CLEC2A: variants seen among roughly 807,000 people sequenced by gnomAD.
CLEC2A encodes C-type lectin domain family 2 member A, also known as keratinocyte-associated C-type lectin.
CLEC2A carries 19 observed loss-of-function variants against 18.6 expected under a neutral mutation model. That is an observed-to-expected ratio of 1.02 (90% CI 0.71 to 1.50). The LOEUF is 1.50. Among genes scored for constraint, CLEC2A ranks in the 40% most tolerant of loss-of-function variants. CLEC2A has a pLI of 0.00. For synonymous variants in CLEC2A, 74 were observed against 64.0 expected, an observed-to-expected ratio of 1.16 and a Z score of -0.75; for missense variants, 190 against 207.9, an observed-to-expected ratio of 0.91 and a Z score of 0.53.
chr12:9,878,141 A>G, the CLEC2A span, among the ~76,000 whole-genome samples: 1 of 152,122 alleles, frequency 6.6e-6, no homozygotes, highest in South Asian at 2.1e-4. Flanking sequence ...CCCATTTAAG[A>G]TTAAAATGAT....
intron 2 of CLEC2A, among the ~76,000 whole-genome samples, chr12:9,922,920 TTTATTA>T (rs958942682): frequency 6.6e-6 from 1 of 151,900 alleles, no homozygotes; most frequent in Non-Finnish European, 1.5e-5. Flanking sequence ...TCCACCATGA[TTTATTA>T]TTATTATTAT....
rs952079003 is a variant in CLEC2A, at chr12:9,932,298, G to C, written c.32C>G (p.Ala11Gly). Reference sequence around the variant, plus strand: ...ACCTATCCGATGTATGAAGCCATCAGCTCTGCCATCCCGCAGCTCTGGATT... The same window carrying C: ...ACCTATCCGATGTATGAAGCCATCACCTCTGCCATCCCGCAGCTCTGGATT... MINPELRDGR[A>G]DGFIHRIVPK... Residue 11 changes from alanine to glycine, a missense_variant, in exon 1 of 5, where the codon GCT becomes GGT. Transcript: ENST00000455827. 2 of 1,551,784 alleles carry C rather than the reference G, an allele frequency of 1.3e-6. No homozygotes were observed. The highest frequency in any genetic ancestry group is 2.7e-5 in the African/African-American group (2 of 73,128).
At chr12:9,892,246 C>T in the CLEC2A span, among the ~76,000 whole-genome samples, 1 of 152,050 alleles carries the variant, frequency 6.6e-6, no homozygotes, top group Non-Finnish European at 1.5e-5. Flanking sequence ...GAAGAGGAGG[C>T]TATTCAAGAC....
chr12:9,895,333 G>A (rs1296473245), downstream of CLEC2A, among the ~76,000 whole-genome samples: 2 of 152,220 alleles, frequency 1.3e-5, no homozygotes, highest in African/African-American at 4.8e-5. Context: ...TATGGCTAGA[G>A]ATAAGGGAGA....
the CLEC2A span, among the ~76,000 whole-genome samples, chr12:9,887,272 A>G: frequency 6.6e-6 from 1 of 152,186 alleles, no homozygotes; most frequent in Admixed American, 6.5e-5. Flanking sequence ...ACATAGAAAG[A>G]GATGATAGAT....
the CLEC2A span, among the ~76,000 whole-genome samples, chr12:9,891,680 A>T: frequency 5.9e-4 from 90 of 152,254 alleles, 1 homozygote; most frequent in Middle Eastern, 0.01. Context: ...AATTTTTTTT[A>T]AATTACAATT....
downstream of CLEC2A, chr12:9,895,677 T>C (rs1434204509): frequency 1.3e-6 from 2 of 1,512,240 alleles, no homozygotes; most frequent in Non-Finnish European, 1.8e-6. Context: ...AAATCTGTCC[T>C]TTGTCTCTTA....
the CLEC2A span, among the ~76,000 whole-genome samples, chr12:9,877,955 T>C: frequency 3.3e-4 from 51 of 152,306 alleles, no homozygotes; most frequent in East Asian, 9.8e-3. Flanking sequence ...TATCCAAAGT[T>C]GTCTAAACAC....
At chr12:9,914,366 T>C (rs556749597) in intron 4 of CLEC2A, among the ~76,000 whole-genome samples, 2 of 152,248 alleles carry the variant, frequency 1.3e-5, no homozygotes, top group Non-Finnish European at 1.5e-5. Flanking sequence ...AAAACTACTT[T>C]AAATTTCATA....
At chr12:9,882,787 AAC>A in the CLEC2A span, among the ~76,000 whole-genome samples, 2 of 91,898 alleles carry the variant, frequency 2.2e-5, no homozygotes, top group Non-Finnish European at 5.8e-5. Context: ...TATATAAAAA[AAC>A]AAAAAAAATT....
chr12:9,896,452 A>T (rs1862756617), downstream of CLEC2A, among the ~76,000 whole-genome samples: 7 of 151,788 alleles, frequency 4.6e-5, no homozygotes, highest in Admixed American at 4.6e-4. Context: ...CCAAATATTC[A>T]AAACAAAAAA....
At chr12:9,892,580 C>CTTT in the CLEC2A span, among the ~76,000 whole-genome samples, 204 of 104,798 alleles carry the variant, frequency 1.9e-3, no homozygotes, top group Non-Finnish European at 2.7e-3. Flanking sequence ...TACAGAACTG[C>CTTT]TTTTTTTTTT....
At chr12:9,887,118 G>A in the CLEC2A span, among the ~76,000 whole-genome samples, 1 of 151,832 alleles carries the variant, frequency 6.6e-6, no homozygotes, top group Non-Finnish European at 1.5e-5. Context: ...TCCAGAAGAA[G>A]AAAATAGGTG....
At chr12:9,923,602 C>A (rs922521979) in intron 2 of CLEC2A, among the ~76,000 whole-genome samples, 1 of 152,120 alleles carries the variant, frequency 6.6e-6, no homozygotes, top group African/African-American at 2.4e-5. Flanking sequence ...GATTATAAAT[C>A]ATGCTGCTAT....
the CLEC2A span, among the ~76,000 whole-genome samples, chr12:9,879,589 G>C: frequency 1.3e-5 from 2 of 152,118 alleles, no homozygotes; most frequent in Non-Finnish European, 2.9e-5. Flanking sequence ...CCTGATCTCT[G>C]TTATAAGATG....
chr12:9,930,554 G>A (rs959180240), intron 1 of CLEC2A, among the ~76,000 whole-genome samples: 23 of 151,514 alleles, frequency 1.5e-4, no homozygotes, highest in East Asian at 7.7e-4. Flanking sequence ...TTTCACTAAC[G>A]TCTCCTATTA....
chr12:9,893,703 C>T (rs1014942225), downstream of CLEC2A, among the ~76,000 whole-genome samples: 5 of 113,566 alleles, frequency 4.4e-5, no homozygotes, highest in South Asian at 1.2e-3. Context: ...TTTCCTTCCT[C>T]CCTCCCTTTT....
downstream of CLEC2A, among the ~76,000 whole-genome samples, chr12:9,894,655 T>A (rs140149146): frequency 6.6e-3 from 1,010 of 152,288 alleles, 7 homozygotes; most frequent in South Asian, 0.025. Context: ...ACACTTGAGA[T>A]GTGGTAAGTC....
At chr12:9,931,188 CTT>C (rs1186045002) in intron 1 of CLEC2A, among the ~76,000 whole-genome samples, 1 of 152,078 alleles carries the variant, frequency 6.6e-6, no homozygotes, top group Non-Finnish European at 1.5e-5. Context: ...TCTCTAAACT[CTT>C]AAATCTGTTA....
Sources: allele counts gnomAD v4.1 joint callset (sites outside exome capture counted in the v4.1 genomes callset), GRCh38; gene constraint gnomAD v4.1.1; transcripts MANE v1.5; gene names NCBI Gene and HGNC (gene_info 2026-07-23, HGNC 2026-07-21).